The following UBE2K variants were observed in gnomAD, a reference collection of about 807,000 sequenced individuals.
The protein encoded by UBE2K is ubiquitin-conjugating enzyme E2 K.
Under a neutral mutation model 30.0 loss-of-function variants are expected in UBE2K, and 6 were observed. The observed-to-expected ratio is 0.20, with a 90% confidence interval of 0.11 to 0.39. The LOEUF (loss-of-function observed/expected upper bound fraction) is 0.39. UBE2K is among the 10% of genes least tolerant of loss of function. The pLI, the probability that UBE2K is intolerant of heterozygous loss-of-function variation, is 1.00. For synonymous variants in UBE2K, 86 were observed against 83.7 expected (o/e 1.03, Z -0.15); for missense variants, 61 against 241.6 (o/e 0.25, Z 4.96).
intron 1 of UBE2K, among the ~76,000 whole-genome samples, chr4:39,712,980 C>A (rs929180604): frequency 2.6e-5 from 4 of 151,874 alleles, no homozygotes; most frequent in African/African-American, 9.7e-5. Context: ...ATTGTCCTGC[C>A]TCAGCCTGCC....
intron 1 of UBE2K, among the ~76,000 whole-genome samples, chr4:39,718,547 G>C (rs1467233351): frequency 6.6e-6 from 1 of 152,248 alleles, no homozygotes; most frequent in East Asian, 1.9e-4. Context: ...GATGGAACTG[G>C]GTGCCGTGGA....
intron 1 of UBE2K, among the ~76,000 whole-genome samples, chr4:39,719,007 C>T (rs1719272364): frequency 6.6e-6 from 1 of 152,242 alleles, no homozygotes; most frequent in Admixed American, 6.5e-5. Context: ...GCACTGAGGC[C>T]GAGGAGGCAC....
chr4:39,733,808 C>T (rs1720206642), intron 1 of UBE2K, among the ~76,000 whole-genome samples: 1 of 152,152 alleles, frequency 6.6e-6, no homozygotes, highest in Non-Finnish European at 1.5e-5. Context: ...TAGGATTCAG[C>T]ACACATATGT....
chr4:39,721,150 A>G (rs1002837726), intron 1 of UBE2K, among the ~76,000 whole-genome samples: 1 of 152,146 alleles, frequency 6.6e-6, no homozygotes, highest in Non-Finnish European at 1.5e-5. Flanking sequence ...AAGGGAGGCT[A>G]GGAAATCTTC....
chr4:39,742,585 T>A (rs1429185248), intron 2 of UBE2K, among the ~76,000 whole-genome samples: 2 of 150,138 alleles, frequency 1.3e-5, no homozygotes, highest in Non-Finnish European at 3.0e-5. Flanking sequence ...TAAAAAAAAA[T>A]TAAAAAATTA....
At chr4:39,711,354 G>A (rs4512005) in intron 1 of UBE2K, among the ~76,000 whole-genome samples, 15,786 of 151,276 alleles carry the variant, frequency 0.1, 1,204 homozygotes, top group East Asian at 0.22. Flanking sequence ...GGTAGAGACA[G>A]GGTTTCACCG....
rs947368496 is a variant in UBE2K at position 39,781,134 on chromosome 4, A to G, written c.*2700A>G. Reference sequence around the variant, plus strand: ...TGAATGAATGGCAGTTAGTGGACCCAAATAAGTATTCAGTGGTATATAAAT... The same window carrying G: ...TGAATGAATGGCAGTTAGTGGACCCGAATAAGTATTCAGTGGTATATAAAT... On this transcript the variant is annotated 3_prime_UTR_variant, in exon 7 of 7. Coordinates refer to ENST00000261427, the MANE Select transcript of UBE2K (RefSeq NM_005339.5). 2 of 152,142 alleles carry G rather than the reference A, an allele frequency of 1.3e-5. No homozygotes were observed. Among genetic ancestry groups the G allele is most frequent in the Non-Finnish European group, 2.9e-5 (2 of 67,988 alleles). The allele number at this position is 152,142 out of a possible 1,614,324, so 9.4% of individuals were successfully genotyped here.
intron 4 of UBE2K, among the ~76,000 whole-genome samples, chr4:39,764,458 C>T (rs1451795670): frequency 1.3e-5 from 2 of 150,528 alleles, no homozygotes; most frequent in African/African-American, 2.4e-5. Flanking sequence ...TTCTTTTGCC[C>T]CTGCCAGACA....
chr4:39,743,168 C>G (rs1266899774), intron 2 of UBE2K, among the ~76,000 whole-genome samples: 1 of 152,124 alleles, frequency 6.6e-6, no homozygotes, highest in African/African-American at 2.4e-5. Context: ...TGAGGAGATA[C>G]ATTTGAGAGA....
At chr4:39,758,531 A>T (rs1007270164) in intron 4 of UBE2K, among the ~76,000 whole-genome samples, 4 of 152,192 alleles carry the variant, frequency 2.6e-5, no homozygotes, top group African/African-American at 9.7e-5. Context: ...TAAATAAATT[A>T]GCTGGGCATG....
At chr4:39,701,962 T>C (rs887120680) in intron 1 of UBE2K, among the ~76,000 whole-genome samples, 1 of 151,892 alleles carries the variant, frequency 6.6e-6, no homozygotes, top group South Asian at 2.1e-4. Context: ...CGTTTCACCA[T>C]GTTGGCCAGG....
intron 1 of UBE2K, among the ~76,000 whole-genome samples, chr4:39,725,539 T>C (rs1356628959): frequency 6.6e-6 from 1 of 152,020 alleles, no homozygotes; most frequent in Non-Finnish European, 1.5e-5. Context: ...TGGGATTGGG[T>C]TTTTCACTTC....
At chr4:39,711,877 TA>T (rs1368514766) in intron 1 of UBE2K, among the ~76,000 whole-genome samples, 1 of 151,486 alleles carries the variant, frequency 6.6e-6, no homozygotes, top group African/African-American at 2.4e-5. Flanking sequence ...GTCTCTCTAC[TA>T]AAAATACAAA....
intron 1 of UBE2K, among the ~76,000 whole-genome samples, chr4:39,699,933 T>A (rs1015884054): frequency 1.3e-5 from 2 of 152,170 alleles, no homozygotes; most frequent in African/African-American, 4.8e-5. Flanking sequence ...CATAAGTGTC[T>A]GTACTGATAC....
intron 1 of UBE2K, among the ~76,000 whole-genome samples, chr4:39,711,091 T>C (rs1234047167): frequency 6.6e-6 from 1 of 151,904 alleles, no homozygotes; most frequent in Non-Finnish European, 1.5e-5. Context: ...TTTTTTGCTT[T>C]TTTTTTTAAA....
At chr4:39,770,954 G>A (rs575888702) in intron 4 of UBE2K, 12 of 1,587,044 alleles carry the variant, frequency 7.6e-6, no homozygotes, top group Non-Finnish European at 1.0e-5. Context: ...TTCGGGGCTG[G>A]CTTTGGGGTC....
At chr4:39,764,171 A>G (rs948935931) in intron 4 of UBE2K, among the ~76,000 whole-genome samples, 2 of 152,176 alleles carry the variant, frequency 1.3e-5, no homozygotes, top group Admixed American at 1.3e-4. Flanking sequence ...CACTGGCAAC[A>G]TGGCAAGACC....
At chr4:39,742,105 T>C (rs1426110887) in intron 2 of UBE2K, among the ~76,000 whole-genome samples, 1 of 152,018 alleles carries the variant, frequency 6.6e-6, no homozygotes, top group Non-Finnish European at 1.5e-5. Flanking sequence ...CTCACACTGC[T>C]CCTAAGAGAT....
chr4:39,739,327 G>A (rs948309534), intron 2 of UBE2K, among the ~76,000 whole-genome samples: 20 of 151,100 alleles, frequency 1.3e-4, no homozygotes, highest in South Asian at 8.4e-4. Context: ...CACCGTGCCC[G>A]GCTACCCAAA....
Sources: gnomAD v4.1 joint callset for allele counts (sites outside exome capture counted in the v4.1 genomes callset) on GRCh38, gnomAD v4.1.1 for gene constraint, MANE v1.5 for transcripts, NCBI Gene and HGNC (gene_info 2026-07-23, HGNC 2026-07-21) for gene names.